Variants in PTCD2 observed in about 807,000 individuals in gnomAD.
PTCD2 encodes the protein pentatricopeptide repeat domain 2, also known as pentatricopeptide repeat-containing protein 2, mitochondrial.
A neutral mutation model predicts 42.6 loss-of-function variants in PTCD2; 31 were observed. That is an observed-to-expected ratio of 0.73 (90% CI 0.55 to 0.98). The LOEUF (loss-of-function observed/expected upper bound fraction) is 0.98, where lower values mean the gene tolerates loss of function less well. Ranked by LOEUF, PTCD2 falls within the 50% of genes least tolerant of loss-of-function variation. PTCD2 has a pLI of 0.00. For missense variants in PTCD2, 476 were observed against 454.8 expected (o/e 1.05, Z -0.42); for synonymous variants, 183 against 170.9 (o/e 1.07, Z -0.55).
intron 6 of PTCD2, among the ~76,000 whole-genome samples, chr5:72,337,319 T>C (rs1751803010): frequency 6.6e-6 from 1 of 152,070 alleles, no homozygotes; most frequent in Non-Finnish European, 1.5e-5. Flanking sequence ...CCAAGGGTCA[T>C]AGTTTGCTGA....
At chr5:72,347,720 ATT>A (rs1330824124) in intron 8 of PTCD2, among the ~76,000 whole-genome samples, 1 of 147,210 alleles carries the variant, frequency 6.8e-6, no homozygotes, top group Non-Finnish European at 1.5e-5. Context: ...TAATGATTTG[ATT>A]TTTTTTTTTT....
rs1753235653 is a variant in PTCD2 at position 72,367,769 on chromosome 5, CAGTT to C, written c.*9345_*9348del. ...GGTGTTAGAAGTGGAGGGAGGAACACAGTTAGGCTGTGTTCTACTGCACTGCATA... is the reference window on the plus strand; with the variant it reads ...GGTGTTAGAAGTGGAGGGAGGAACACAGGCTGTGTTCTACTGCACTGCATA... On this transcript the variant is annotated 3_prime_UTR_variant, in exon 10 of 10. Transcript: ENST00000380639. The C allele has an allele frequency of 3.3e-5, 5 of 152,308 alleles. No homozygotes were observed. The highest frequency in any genetic ancestry group is 1.5e-5 in the Non-Finnish European group (1 of 68,024). The allele number at this position is 152,308 out of a possible 1,614,324, so 9.4% of individuals were successfully genotyped here.
rs1468160263 is a variant in PTCD2 at position 72,366,905 on chromosome 5, G to A, written c.*8478G>A. 1 of 152,186 alleles carries A rather than the reference G, an allele frequency of 6.6e-6. No homozygotes were observed. The allele number at this position is 152,186 out of a possible 1,614,324, so 9.4% of individuals were successfully genotyped here. ...CAGTTTCTTATGAAAGAAAAAGGAT[G>A]GTCATTTGTCTCACTTGGGAAAGGG... On this transcript the variant is annotated 3_prime_UTR_variant, in exon 10 of 10. Transcript: ENST00000380639.
intron 8 of PTCD2, among the ~76,000 whole-genome samples, chr5:72,352,411 G>T (rs1008268135): frequency 6.6e-6 from 1 of 152,200 alleles, no homozygotes; most frequent in African/African-American, 2.4e-5. Flanking sequence ...CTCCCAAAGT[G>T]CTGGGATTAC....
intron 9 of PTCD2, among the ~76,000 whole-genome samples, chr5:72,354,768 G>C (rs1460253893): frequency 2.0e-5 from 3 of 152,308 alleles, no homozygotes; most frequent in African/African-American, 7.2e-5. Context: ...TAAAGAAGTT[G>C]TATGTACAAG....
chr5:72,346,234 C>G (rs959851036), intron 8 of PTCD2, among the ~76,000 whole-genome samples: 1 of 152,082 alleles, frequency 6.6e-6, no homozygotes, highest in Non-Finnish European at 1.5e-5. Flanking sequence ...AGAAAAATAT[C>G]GACAGAGACA....
rs1370120217 is a variant in PTCD2, at chr5:72,359,124, A to G, written c.*697A>G. The G allele has an allele frequency of 6.6e-6, 1 of 152,380 alleles. No individual in the cohort carries two copies. Among genetic ancestry groups the G allele is most frequent in the Non-Finnish European group, 1.5e-5 (1 of 68,172 alleles). The allele number at this position is 152,380 out of a possible 1,614,324, so 9.4% of individuals were successfully genotyped here. ...CTGCTGAGTAAGCCAAATTTAAATG[A>G]CTACTGCTTTGTTCATGGGTAAGCC... On this transcript the variant is annotated 3_prime_UTR_variant, in exon 10 of 10. Transcript: ENST00000380639.
chr5:72,335,284 C>T (rs1243004537), intron 5 of PTCD2, among the ~76,000 whole-genome samples, 188 bp downstream of exon 5: 1 of 151,900 alleles, frequency 6.6e-6, no homozygotes. Context: ...CCCGTCTCTA[C>T]TAAAAATACA....
At position 72,364,982 on chromosome 5, in the gene PTCD2, C is replaced by T. The variant is rs1753168973; in HGVS notation, c.*6555C>T. 1 of 152,314 alleles carries T rather than the reference C, an allele frequency of 6.6e-6. No homozygotes were observed. The highest frequency in any genetic ancestry group is 2.4e-5 in the African/African-American group (1 of 41,452). 9.4% of individuals were successfully genotyped at this position (152,314 alleles called of 1,614,324 possible). ...AGGATCAAAGCGCTGCTGAACTGCT[C>T]ACCTCCCCGCTTGGCCTGCCTTGCC... is the stretch of plus-strand genomic sequence containing the variant. On this transcript the variant is annotated 3_prime_UTR_variant, in exon 10 of 10. Transcript: ENST00000380639.
At chr5:72,354,382 G>GA (rs35170727) in intron 9 of PTCD2, among the ~76,000 whole-genome samples, 19,080 of 29,768 alleles carry the variant, frequency 0.64, 8,176 homozygotes, top group Non-Finnish European at 0.74. Context: ...GACTCCATCT[G>GA]AAAAAAAAAA....
At chr5:72,322,137 A>G (rs751750802) in intron 1 of PTCD2, 35 bp from the exon 2 acceptor site, 6 of 1,165,426 alleles carry the variant, frequency 5.1e-6, no homozygotes, top group Middle Eastern at 2.4e-4. Context: ...AAAACAGTCA[A>G]AATGACTTTA....
rs1753156322 is a variant in PTCD2, at chr5:72,364,426, CTG to C, written c.*6003_*6004del. On this transcript the variant is annotated 3_prime_UTR_variant, in exon 10 of 10. Transcript: ENST00000380639. ...GCTGGTGTTTTGTAAAACCAGTTGTCTGTGTCATTTATTTTAACATGTAAAGT... is the reference window on the plus strand; with the variant it reads ...GCTGGTGTTTTGTAAAACCAGTTGTCTGTCATTTATTTTAACATGTAAAGT... 1 of 152,212 alleles carries C rather than the reference CTG, an allele frequency of 6.6e-6. No homozygotes were observed. The highest frequency in any genetic ancestry group is 1.5e-5 in the Non-Finnish European group (1 of 68,038). 9.4% of individuals were successfully genotyped at this position (152,212 alleles called of 1,614,324 possible).
chr5:72,324,894 T>C (rs931334009), intron 2 of PTCD2, among the ~76,000 whole-genome samples: 2 of 152,158 alleles, frequency 1.3e-5, no homozygotes, highest in African/African-American at 4.8e-5. Context: ...ACACAAGTTA[T>C]ATCTGTTGAA....
chr5:72,366,956 TCCC>T lies in PTCD2; in HGVS notation c.*8533_*8535del. ...TTTCCTCCCAAATTGAGAAGGAAAA[TCCC>T]CCCAATTAACTGTTTGCCTTTATTA... On this transcript the variant is annotated 3_prime_UTR_variant, in exon 10 of 10. Coordinates refer to ENST00000380639, the MANE Select transcript of PTCD2 (RefSeq NM_024754.5). 6.6e-6 allele frequency: 1 copy of T among 152,126 alleles called. No individual in the cohort carries two copies. Among genetic ancestry groups the T allele is most frequent in the Non-Finnish European group, 1.5e-5 (1 of 68,014 alleles). The allele number at this position is 152,126 out of a possible 1,614,324, so 9.4% of individuals were successfully genotyped here.
chr5:72,358,725 A>G lies in PTCD2; in HGVS notation c.*298A>G, dbSNP rs1452229590. On this transcript the variant is annotated 3_prime_UTR_variant, in exon 10 of 10. Transcript: ENST00000380639. ...AGCTTCCGACACCAGAGTGGAACCCAGTAAGCACCATCAGGAATGAATTTC... is the reference window on the plus strand; with the variant it reads ...AGCTTCCGACACCAGAGTGGAACCCGGTAAGCACCATCAGGAATGAATTTC... 2.5e-6 allele frequency: 1 copy of G among 396,820 alleles called. No individual in the cohort carries two copies. Among genetic ancestry groups the G allele is most frequent in the Non-Finnish European group, 4.6e-6 (1 of 216,328 alleles). 24.6% of individuals were successfully genotyped at this position (396,820 alleles called of 1,614,324 possible).
At chr5:72,336,168 CGCAT>C (rs1262334898) in intron 6 of PTCD2, among the ~76,000 whole-genome samples, 2 of 152,160 alleles carry the variant, frequency 1.3e-5, no homozygotes, top group Non-Finnish European at 2.9e-5. Flanking sequence ...AAAGTCATCA[CGCAT>C]GCTGGACTCT....
At chr5:72,353,856 G>A (rs1177184474) in intron 9 of PTCD2, among the ~76,000 whole-genome samples, 2 of 152,126 alleles carry the variant, frequency 1.3e-5, no homozygotes, top group African/African-American at 2.4e-5. Flanking sequence ...ATTTCAAATG[G>A]ATGAGAATTT....
In PTCD2 at chr5:72,361,367, G is replaced by A. The variant is rs553751706; in HGVS notation, c.*2940G>A. On this transcript the variant is annotated 3_prime_UTR_variant, in exon 10 of 10. Coordinates refer to ENST00000380639, the MANE Select transcript of PTCD2 (RefSeq NM_024754.5). ...GGCCGCGACTGGCATAATCTCAAAG[G>A]CTTCCTTAGTATTTCTGGCAGTTGA... 1 of 152,316 alleles carries A rather than the reference G, an allele frequency of 6.6e-6. No individual in the cohort carries two copies. The highest frequency in any genetic ancestry group is 1.9e-4 in the East Asian group (1 of 5,186). 9.4% of individuals were successfully genotyped at this position (152,316 alleles called of 1,614,324 possible).
At chr5:72,352,999 A>C (rs1462878957) in intron 9 of PTCD2, among the ~76,000 whole-genome samples, 2 of 152,082 alleles carry the variant, frequency 1.3e-5, no homozygotes, top group African/African-American at 4.8e-5. Flanking sequence ...CATTGTATTC[A>C]TGGGCCCTGG....
Sources: gnomAD v4.1 joint callset for allele counts (sites outside exome capture counted in the v4.1 genomes callset) on GRCh38, gnomAD v4.1.1 for gene constraint, MANE v1.5 for transcripts, NCBI Gene and HGNC (gene_info 2026-07-23, HGNC 2026-07-21) for gene names.